ZFP64: variants seen among roughly 807,000 people sequenced by gnomAD.
ZFP64 encodes ZFP64 zinc finger protein.
A neutral mutation model predicts 51.6 loss-of-function variants in ZFP64; 14 were observed. That is an observed-to-expected ratio of 0.27 (90% CI 0.18 to 0.42). ZFP64 has a LOEUF of 0.42. Among genes scored for constraint, ZFP64 ranks in the 10% least tolerant of loss-of-function variants. ZFP64 has a pLI of 1.00. For missense variants in ZFP64, 754 were observed against 906.8 expected (o/e 0.83, Z 2.16); for synonymous variants, 375 against 361.4 (o/e 1.04, Z -0.43).
chr20:52,127,320 A>T (rs1979494291), intron 5 of ZFP64, among the ~76,000 whole-genome samples: 1 of 150,726 alleles, frequency 6.6e-6, no homozygotes. Context: ...TTTTTTTTTT[A>T]AAGGAAGTGA....
At chr20:52,134,945 C>T (rs1979898362) in intron 5 of ZFP64, among the ~76,000 whole-genome samples, 1 of 152,166 alleles carries the variant, frequency 6.6e-6, no homozygotes, top group South Asian at 2.1e-4. Flanking sequence ...TCACTGCAAC[C>T]TCTGCCTCCT....
chr20:52,103,311 T>G (rs1208867595), intron 5 of ZFP64, among the ~76,000 whole-genome samples: 1 of 152,136 alleles, frequency 6.6e-6, no homozygotes, highest in Non-Finnish European at 1.5e-5. Context: ...GCTACTTGAG[T>G]TGCAAAGACA....
At chr20:52,103,749 C>A (rs180676820) in intron 5 of ZFP64, among the ~76,000 whole-genome samples, 2 of 152,360 alleles carry the variant, frequency 1.3e-5, no homozygotes, top group African/African-American at 4.8e-5. Context: ...ACCCAGGGGA[C>A]GGGATCCTGT....
At chr20:52,127,726 A>T (rs959628663) in intron 5 of ZFP64, among the ~76,000 whole-genome samples, 1 of 152,098 alleles carries the variant, frequency 6.6e-6, no homozygotes, top group Non-Finnish European at 1.5e-5. Flanking sequence ...GATGGGAAGA[A>T]ATTTTACAAA....
At chr20:52,143,861 T>C (rs6021739) in intron 5 of ZFP64, among the ~76,000 whole-genome samples, 62,944 of 141,640 alleles carry the variant, frequency 0.44, 19,666 homozygotes, top group Non-Finnish European at 0.52. Flanking sequence ...TTTTATAACT[T>C]TGCAAGTTAC....
At chr20:52,175,734 C>T (rs1457475702) in intron 2 of ZFP64, among the ~76,000 whole-genome samples, 7 of 152,076 alleles carry the variant, frequency 4.6e-5, no homozygotes, top group Admixed American at 6.5e-5. Flanking sequence ...ATCCCAGGCA[C>T]GTGGGAGGCT....
chr20:52,104,653 C>G (rs1448640446), intron 5 of ZFP64: 1 of 471,244 alleles, frequency 2.1e-6, no homozygotes, highest in African/African-American at 2.0e-5. Flanking sequence ...CCCCGGGTAC[C>G]TGCACAGCTC....
exon 9 of ZFP64, chr20:52,084,691 G>A (rs772372079): frequency 8.7e-6 from 14 of 1,614,124 alleles, no homozygotes; most frequent in Non-Finnish European, 1.2e-5. Context: ...TGATCACTGT[G>A]CTGCTTCTTG....
intron 2 of ZFP64, among the ~76,000 whole-genome samples, chr20:52,182,295 T>C (rs146987333): frequency 7.2e-5 from 11 of 152,274 alleles, no homozygotes; most frequent in African/African-American, 2.6e-4. Context: ...GAGGGCTCTG[T>C]GTGCCAGGCA....
intron 2 of ZFP64, among the ~76,000 whole-genome samples, chr20:52,168,979 C>T (rs1432477098): frequency 6.6e-6 from 1 of 152,230 alleles, no homozygotes; most frequent in African/African-American, 2.4e-5. Flanking sequence ...AGAAATCTCA[C>T]TAATTCTAAA....
At chr20:52,123,361 C>T (rs1005992638) in intron 5 of ZFP64, among the ~76,000 whole-genome samples, 1 of 152,182 alleles carries the variant, frequency 6.6e-6, no homozygotes, top group African/African-American at 2.4e-5. Context: ...TATCAAACAG[C>T]ATTGCATGCT....
chr20:52,173,828 T>C (rs1250806178), intron 2 of ZFP64, among the ~76,000 whole-genome samples: 1 of 151,956 alleles, frequency 6.6e-6, no homozygotes, highest in East Asian at 1.9e-4. Flanking sequence ...TTTGTATTTT[T>C]AGCAGAGATG....
chr20:52,108,884 ACAC>A (rs1978398141), intron 5 of ZFP64, among the ~76,000 whole-genome samples: 1 of 151,660 alleles, frequency 6.6e-6, no homozygotes, highest in Non-Finnish European at 1.5e-5. Context: ...ACACACACAC[ACAC>A]ACACACACAC....
intron 7 of ZFP64, chr20:52,097,080 G>C (rs1427870972): frequency 1.4e-6 from 1 of 710,586 alleles, no homozygotes. Flanking sequence ...TGCTTCAGCA[G>C]GTCTTATTTC....
At chr20:52,092,812 C>T (rs183477613) in intron 7 of ZFP64, among the ~76,000 whole-genome samples, 5 of 152,284 alleles carry the variant, frequency 3.3e-5, no homozygotes, top group African/African-American at 9.6e-5. Flanking sequence ...GCCAAGAGTG[C>T]ACCACTGTAC....
At chr20:52,181,589 C>T (rs563750229) in intron 2 of ZFP64, among the ~76,000 whole-genome samples, 2 of 152,186 alleles carry the variant, frequency 1.3e-5, no homozygotes, top group African/African-American at 2.4e-5. Flanking sequence ...CAAGGACAAA[C>T]AAGTCTGGAA....
At chr20:52,084,589 C>T (rs142930891) in exon 9 of ZFP64, 80 of 1,613,658 alleles carry the variant, frequency 5.0e-5, no homozygotes, top group Non-Finnish European at 6.5e-5. Flanking sequence ...AGGGGAGCCT[C>T]GAGCTGCCCC....
chr20:52,096,185 G>A (rs1399044277), intron 7 of ZFP64, among the ~76,000 whole-genome samples: 4 of 152,142 alleles, frequency 2.6e-5, no homozygotes, highest in Non-Finnish European at 5.9e-5. Flanking sequence ...GCCATGTGTT[G>A]CCCCGCTTAA....
chr20:52,110,534 A>G (rs1978504388), intron 5 of ZFP64: 4 of 724,346 alleles, frequency 5.5e-6, no homozygotes, highest in African/African-American at 1.7e-5. Flanking sequence ...TGCTCGGCCC[A>G]GTTCTTCTCA....
Sources: gnomAD v4.1 joint callset for allele counts (sites outside exome capture counted in the v4.1 genomes callset) on GRCh38, gnomAD v4.1.1 for gene constraint, MANE v1.5 for transcripts, NCBI Gene and HGNC (gene_info 2026-07-23, HGNC 2026-07-21) for gene names.